The following ZNF676 variants were observed in gnomAD, a reference collection of about 807,000 sequenced individuals.
ZNF676 encodes zinc finger protein 676.
In ZNF676, 4 loss-of-function variants were observed where a neutral mutation model predicts 6.0. That is an observed-to-expected ratio of 0.67 (90% CI 0.33 to 1.53). The LOEUF (loss-of-function observed/expected upper bound fraction) is 1.53. Among genes scored for constraint, ZNF676 ranks in the 40% most tolerant of loss-of-function variants. The probability of loss-of-function intolerance (pLI) is 0.06; values close to 1 mark genes in which losing one functional copy is unlikely to be tolerated. For synonymous variants in ZNF676, 198 were observed against 223.1 expected (o/e 0.89, Z 1.00); for missense variants, 644 against 679.7 (o/e 0.95, Z 0.58).
chr19:22,197,088 T>C, upstream of ZNF676: 2 of 214,676 alleles, frequency 9.3e-6, no homozygotes, highest in Non-Finnish European at 1.8e-5. Flanking sequence ...TTTGGGAGGC[T>C]GAGGTGGGCA....
chr19:22,242,710 G>A, the ZNF676 span, among the ~76,000 whole-genome samples: 6 of 151,940 alleles, frequency 3.9e-5, no homozygotes, highest in South Asian at 1.2e-3. Context: ...TGAAGGGAGA[G>A]ATCAGAAAGG....
the ZNF676 span, among the ~76,000 whole-genome samples, chr19:22,232,177 C>CT: frequency 2.9e-3 from 429 of 146,618 alleles, 1 homozygote; most frequent in African/African-American, 9.3e-3. Flanking sequence ...CTTTTCTTTT[C>CT]TTTTTTTTTT....
chr19:22,181,480 T>G lies in ZNF676; in HGVS notation c.237A>C (p.Leu79Phe). The G allele has an allele frequency of 1.2e-6, 2 of 1,613,630 alleles. No homozygotes were observed. Among genetic ancestry groups the G allele is most frequent in the East Asian group, 4.5e-5 (2 of 44,812 alleles). The change falls in exon 3 of 3, where the codon TTA (leucine) becomes TTC (phenylalanine). Residue 79 changes from leucine to phenylalanine, a missense_variant. This residue lies in a region of ZNF676 where 280 missense variants were observed against 269.3 expected (regional missense o/e 1.04). Coordinates refer to ENST00000397121, the MANE Select transcript of ZNF676 (RefSeq NM_001001411.3). ...CATTGGTACAACTAATTTTTAAGTG[T>G]AAATTCTCATGTCCACATTTGTCAT... ...RRYDKCGHEN[L>F]HLKISCTNVD...
chr19:22,195,400 C>G (rs1365896549), intron 1 of ZNF676, among the ~76,000 whole-genome samples: 1 of 152,176 alleles, frequency 6.6e-6, no homozygotes, highest in Non-Finnish European at 1.5e-5. Flanking sequence ...GGGCTGCCAC[C>G]CCTGCTTTGC....
chr19:22,191,639 G>A (rs542778251), intron 2 of ZNF676, among the ~76,000 whole-genome samples: 49 of 152,262 alleles, frequency 3.2e-4, no homozygotes, highest in South Asian at 1.5e-3. Flanking sequence ...AGACTTGACT[G>A]TAGAAACCTG....
the ZNF676 span, among the ~76,000 whole-genome samples, chr19:22,250,236 C>T: frequency 4.0e-5 from 6 of 150,308 alleles, no homozygotes; most frequent in Non-Finnish European, 7.4e-5. Flanking sequence ...CTAATTCATA[C>T]GTGAAATGTA....
rs143266450 is a variant in ZNF676, at chr19:22,193,471, G to A, written c.35-360C>T. On this transcript the variant is annotated intron_variant, in intron 1 of 2. Transcript: ENST00000397121. ...GACCCTTCTGTGTTTTCTGCTTGGG[G>A]TTTGGTTTGCACGGTCCTACTGCCG... 2.2e-3 allele frequency among the ~76,000 whole-genome samples: 328 copies of A among 152,114 alleles called. 1 individual carries two copies. Among genetic ancestry groups the A allele is most frequent in the Non-Finnish European group, 3.0e-3 (205 of 68,020 alleles).
At chr19:22,242,842 T>TGG in the ZNF676 span, among the ~76,000 whole-genome samples, 7 of 136,888 alleles carry the variant, frequency 5.1e-5, no homozygotes, top group African/African-American at 1.6e-4. Flanking sequence ...ATTACCCAAG[T>TGG]TGGGGGGGGG....
At chr19:22,220,703 C>G (rs10420880), upstream of ZNF676, among the ~76,000 whole-genome samples, 2 of 152,090 alleles carry the variant, frequency 1.3e-5, no homozygotes, top group Admixed American at 1.3e-4. Flanking sequence ...GTGATCCCCC[C>G]ACCTCGTCCT....
At chr19:22,195,778 A>G (rs1015369629) in intron 1 of ZNF676, among the ~76,000 whole-genome samples, 32 of 152,352 alleles carry the variant, frequency 2.1e-4, no homozygotes, top group African/African-American at 7.2e-4. Context: ...GCGAGTATCC[A>G]TGGGACCTTG....
chr19:22,224,276 AT>A, the ZNF676 span, among the ~76,000 whole-genome samples: 10 of 150,626 alleles, frequency 6.6e-5, no homozygotes, highest in East Asian at 1.2e-3. Flanking sequence ...ATATCAGTGA[AT>A]TTTTTTTGTT....
chr19:22,256,696 G>A, the ZNF676 span, among the ~76,000 whole-genome samples: 1 of 152,084 alleles, frequency 6.6e-6, no homozygotes, highest in Non-Finnish European at 1.5e-5. Context: ...CAGGGCCCAG[G>A]CAAAATAGGA....
At chr19:22,232,612 A>T in the ZNF676 span, among the ~76,000 whole-genome samples, 1 of 152,182 alleles carries the variant, frequency 6.6e-6, no homozygotes, top group Admixed American at 6.5e-5. Context: ...ATATCAGGAT[A>T]CACAGCCTTC....
the ZNF676 span, among the ~76,000 whole-genome samples, chr19:22,236,814 A>G: frequency 1.3e-5 from 2 of 152,210 alleles, no homozygotes; most frequent in East Asian, 1.9e-4. Context: ...GAATCAGCCA[A>G]TGCTGGAACT....
the ZNF676 span, among the ~76,000 whole-genome samples, chr19:22,235,546 C>G: frequency 6.6e-6 from 1 of 152,178 alleles, no homozygotes; most frequent in Non-Finnish European, 1.5e-5. Flanking sequence ...GACCACTGGA[C>G]CCCTGGAAAT....
At chr19:22,211,780 C>T (rs1815773532) in intron 1 of ZNF676, among the ~76,000 whole-genome samples, 1 of 152,164 alleles carries the variant, frequency 6.6e-6, no homozygotes, top group Admixed American at 6.5e-5. Flanking sequence ...CACCAATTAT[C>T]TACCACATTT....
the ZNF676 span, among the ~76,000 whole-genome samples, chr19:22,230,737 C>T: frequency 6.6e-6 from 1 of 151,792 alleles, no homozygotes; most frequent in Non-Finnish European, 1.5e-5. Flanking sequence ...CTGCTCACTG[C>T]CACCTCTGCC....
In ZNF676 at chr19:22,208,243, T is replaced by A. The variant is rs368258114; in HGVS notation, c.3+7389A>T. ...CAGAATCCGTAAGAACTAAAACAAG[T>A]TTACAAGAAAAAAAAAAACTAACTT... On this transcript the variant is annotated intron_variant, in intron 1 of 3. Transcript: ENST00000650058. Among the ~76,000 whole-genome samples, 18 of 147,160 alleles carry A rather than the reference T, an allele frequency of 1.2e-4. No homozygotes were observed. In the East Asian group the frequency reaches 2.2e-3, roughly 18 times the overall value.
the ZNF676 span, among the ~76,000 whole-genome samples, chr19:22,230,405 G>A: frequency 1.3e-5 from 2 of 151,926 alleles, no homozygotes; most frequent in Non-Finnish European, 2.9e-5. Context: ...GTAGATGATG[G>A]GTTGATGGGT....
Sources: allele counts gnomAD v4.1 joint callset (sites outside exome capture counted in the v4.1 genomes callset), GRCh38; gene constraint gnomAD v4.1.1; regional missense constraint gnomAD v4.1.1; transcripts MANE v1.5; gene names NCBI Gene and HGNC (gene_info 2026-07-23, HGNC 2026-07-21).